FBXL15: variants seen among roughly 807,000 people sequenced by gnomAD.
FBXL15 encodes F-box and leucine rich repeat protein 15.
FBXL15 carries 19 observed loss-of-function variants against 23.6 expected under a neutral mutation model. The observed-to-expected ratio is 0.81, with a 90% confidence interval of 0.56 to 1.18. The LOEUF (loss-of-function observed/expected upper bound fraction) is 1.18. Among genes scored for constraint, FBXL15 ranks in the 50% most tolerant of loss-of-function variants. The probability of loss-of-function intolerance (pLI) is 0.00; values close to 1 mark genes in which losing one functional copy is unlikely to be tolerated. For missense variants in FBXL15, 385 were observed against 425.4 expected (o/e 0.91, Z 0.83); for synonymous variants, 224 against 207.7 (o/e 1.08, Z -0.67).
In FBXL15 at chr10:102,421,046, C is replaced by T; in HGVS notation, c.-84C>T. The T allele has an allele frequency of 6.4e-7, 1 of 1,554,488 alleles. No homozygotes were observed. The highest frequency in any genetic ancestry group is 8.7e-7 in the Non-Finnish European group (1 of 1,148,510). On this transcript the variant is annotated 5_prime_UTR_variant, in exon 1 of 4. Coordinates refer to ENST00000369956, the MANE Select transcript of FBXL15 (RefSeq NM_024326.4). The stretch of plus-strand genomic sequence containing the variant: ...GGCACTCGATTAAATAGGTCTGTCT[C>T]TACAGGCCAAGGAGGCGGGTTTGGT...
rs1589903772 is a variant in FBXL15 at position 102,421,764 on chromosome 10, T to C, written c.208-23T>C. The C allele has an allele frequency of 2.6e-6, 4 of 1,533,090 alleles. No individual in the cohort carries two copies. The East Asian group carries it at 9.7e-5, about 37-fold the overall frequency. 95.0% of individuals were successfully genotyped at this position (1,533,090 alleles called of 1,614,324 possible). A position where few individuals can be genotyped will look rare whatever the true frequency, so the allele number is the denominator to read the frequency against. On this transcript the variant is annotated intron_variant, in intron 2 of 3. Transcript: ENST00000369956. The stretch of plus-strand genomic sequence containing the variant: ...TGAGGAGTGCGGGACGGGCTGAGAG[T>C]TGGGGTGCCTCCCCGCCCGCAGGTG...
chr10:102,422,520 TCGA>T (rs1409074712), intron 3 of FBXL15, among the ~76,000 whole-genome samples: 1 of 152,226 alleles, frequency 6.6e-6, no homozygotes, highest in African/African-American at 2.4e-5. Context: ...ACATAGAAAG[TCGA>T]CTTCTGGCTT....
At chr10:102,421,235 C>A (rs1376918526) in intron 1 of FBXL15, 53 bp downstream of exon 1, 2 of 1,587,428 alleles carry the variant, frequency 1.3e-6, no homozygotes, top group Non-Finnish European at 1.7e-6. Flanking sequence ...GGAGGGGAGC[C>A]GAGCCGGGGC....
chr10:102,421,902 C>T lies in FBXL15; in HGVS notation c.323C>T (p.Pro108Leu), dbSNP rs1200095135. Residue 108 changes from proline to leucine, a missense_variant, in exon 3 of 4, where the codon CCG becomes CTG. Pro to Leu is a moderately conservative substitution (Grantham distance 98). Around this residue, in one of 2 missense-constraint regions of FBXL15, gnomAD observed 255 missense variants for 330.2 expected, o/e 0.77. Coordinates refer to ENST00000369956, the MANE Select transcript of FBXL15 (RefSeq NM_024326.4). ...HEWLSDEDLV[P>L]VLARNPQLRS... ...TGGCTGTCAGACGAGGACCTGGTGCCGGTGCTGGCGCGGAATCCGCAGCTG... is the reference window on the plus strand; with the variant it reads ...TGGCTGTCAGACGAGGACCTGGTGCTGGTGCTGGCGCGGAATCCGCAGCTG... 6.2e-7 allele frequency: 1 copy of T among 1,606,074 alleles called. No homozygotes were observed. Among genetic ancestry groups the T allele is most frequent in the Non-Finnish European group, 8.5e-7 (1 of 1,179,300 alleles).
At position 102,421,034 on chromosome 10, in the gene FBXL15, A is replaced by G. The variant is rs2061551781; in HGVS notation, c.-96A>G. The G allele has an allele frequency of 1.3e-6, 2 of 1,550,820 alleles. No homozygotes were observed. Among genetic ancestry groups the G allele is most frequent in the African/African-American group, 2.7e-5 (2 of 73,016 alleles). Reference sequence around the variant, plus strand: ...CCTCGGTGAGACGGCACTCGATTAAATAGGTCTGTCTCTACAGGCCAAGGA... The same window carrying G: ...CCTCGGTGAGACGGCACTCGATTAAGTAGGTCTGTCTCTACAGGCCAAGGA... On this transcript the variant is annotated 5_prime_UTR_variant, in exon 1 of 4. Coordinates refer to ENST00000369956, the MANE Select transcript of FBXL15 (RefSeq NM_024326.4).
At chr10:102,421,725 G>T in intron 2 of FBXL15, 62 bp from the exon 3 acceptor site, 1 of 1,503,418 alleles carries the variant, frequency 6.7e-7, no homozygotes, top group Non-Finnish European at 8.8e-7. Context: ...TCAGGTCAGG[G>T]GTGCATAGGC....
rs951133889 is a variant in FBXL15, at chr10:102,423,055, G to A, written c.*62G>A. On this transcript the variant is annotated 3_prime_UTR_variant, in exon 4 of 4. Coordinates refer to ENST00000369956, the MANE Select transcript of FBXL15 (RefSeq NM_024326.4). The surrounding 1 kb of genome is among the most constrained non-coding windows in gnomAD (Gnocchi z 5.6). ...CTGGGGCCTGACACTGAGCTGTAGGGAAACTGAACTGTGAGGACCTCTGGT... is the reference window on the plus strand; with the variant it reads ...CTGGGGCCTGACACTGAGCTGTAGGAAAACTGAACTGTGAGGACCTCTGGT... 4 of 1,455,956 alleles carry A rather than the reference G, an allele frequency of 2.7e-6. No individual in the cohort carries two copies. Among genetic ancestry groups the A allele is most frequent in the Middle Eastern group, 2.0e-4 (1 of 4,976 alleles). The allele number at this position is 1,455,956 out of a possible 1,614,324, so 90.2% of individuals were successfully genotyped here.
rs1416464524 is a variant in FBXL15, at chr10:102,421,884, C to T, written c.305C>T (p.Ser102Leu). The change falls in exon 3 of 4, where the codon TCA (serine) becomes TTA (leucine). Residue 102 changes from serine to leucine, a missense_variant. Around this residue, in one of 2 missense-constraint regions of FBXL15, gnomAD observed 255 missense variants for 330.2 expected, o/e 0.77. Coordinates refer to ENST00000369956, the MANE Select transcript of FBXL15 (RefSeq NM_024326.4). Reference protein sequence around the residue: ...LALAPCHEWLSDEDLVPVLAR... With the variant: ...LALAPCHEWLLDEDLVPVLAR... ...CTGGCGCCGTGTCACGAATGGCTGT[C>T]AGACGAGGACCTGGTGCCGGTGCTG... 6.2e-7 allele frequency: 1 copy of T among 1,605,692 alleles called. No homozygotes were observed.
In FBXL15 at chr10:102,421,156, A is replaced by T; in HGVS notation, c.27A>T (p.Gly9=). The change falls in exon 1 of 4, where the codon GGA becomes GGT. Residue 9 remains glycine (G), a synonymous_variant. Coordinates refer to ENST00000369956, the MANE Select transcript of FBXL15 (RefSeq NM_024326.4). ...TGGAGCCACCGATGGAGCCGTCCGG[A>T]GGGGAGCAAGAGCCCGGAGCCGTCA... MEPPMEPS[G]GEQEPGAVRF... is the part of the protein sequence containing the mutation. The T allele has an allele frequency of 3.1e-6, 5 of 1,611,028 alleles. No individual in the cohort carries two copies. Among genetic ancestry groups the T allele is most frequent in the Non-Finnish European group, 4.2e-6 (5 of 1,178,690 alleles).
Position 102,423,099 on chromosome 10 carries a change from C to G in FBXL15, c.*106C>G. Reference sequence around the variant, plus strand: ...CTCTGGTGAGAGGCCAGTGCCCTGCCCCACCCTGGAGCTTCAAATAAAGAG... The same window carrying G: ...CTCTGGTGAGAGGCCAGTGCCCTGCGCCACCCTGGAGCTTCAAATAAAGAG... On this transcript the variant is annotated 3_prime_UTR_variant, in exon 4 of 4. Coordinates refer to ENST00000369956, the MANE Select transcript of FBXL15 (RefSeq NM_024326.4). The surrounding 1 kb of genome is among the most constrained non-coding windows in gnomAD (Gnocchi z 5.6). The G allele has an allele frequency of 8.3e-7, 1 of 1,207,718 alleles. No individual in the cohort carries two copies. Among genetic ancestry groups the G allele is most frequent in the South Asian group, 1.6e-5 (1 of 62,978 alleles). 74.8% of individuals were successfully genotyped at this position (1,207,718 alleles called of 1,614,324 possible). A position where few individuals can be genotyped will look rare whatever the true frequency, so the allele number is the denominator to read the frequency against.
Position 102,420,957 on chromosome 10 carries a change from G to A in FBXL15, c.-173G>A, listed in dbSNP as rs1036994226. On this transcript the variant is annotated 5_prime_UTR_variant, in exon 1 of 4. Coordinates refer to ENST00000369956, the MANE Select transcript of FBXL15 (RefSeq NM_024326.4). Reference sequence around the variant, plus strand: ...AGGCGAGGCCTAATGTTACACCACCGGTCTGTTCCGCCTCCGTTTCGGGGT... The same window carrying A: ...AGGCGAGGCCTAATGTTACACCACCAGTCTGTTCCGCCTCCGTTTCGGGGT... 63 of 1,500,366 alleles carry A rather than the reference G, an allele frequency of 4.2e-5. No individual in the cohort carries two copies. The highest frequency in any genetic ancestry group is 5.5e-5 in the Non-Finnish European group (62 of 1,121,832). The allele number at this position is 1,500,366 out of a possible 1,614,324, so 92.9% of individuals were successfully genotyped here. A position where few individuals can be genotyped will look rare whatever the true frequency, so the allele number is the denominator to read the frequency against.
At chr10:102,422,412 C>A in intron 3 of FBXL15, 120 bp downstream of exon 3, 1 of 1,254,026 alleles carries the variant, frequency 8.0e-7, no homozygotes, top group Non-Finnish European at 1.0e-6. Context: ...ACCACAGCAC[C>A]CCCATTCTGA....
At chr10:102,421,575 C>T (rs969704873) in intron 2 of FBXL15, 68 bp downstream of exon 2, 2 of 1,434,936 alleles carry the variant, frequency 1.4e-6, no homozygotes, top group Non-Finnish European at 1.8e-6. Context: ...CCCCCAGCCC[C>T]GCAGTATGCC....
chr10:102,421,454 C>T lies in FBXL15; in HGVS notation c.154C>T (p.Arg52Trp), dbSNP rs1175749055. The T allele has an allele frequency of 1.4e-5, 21 of 1,533,606 alleles. No homozygotes were observed. In the Admixed American group the frequency reaches 3.6e-4, roughly 26 times the overall value. 95.0% of individuals were successfully genotyped at this position (1,533,606 alleles called of 1,614,324 possible). Reference sequence around the variant, plus strand: ...GCTGCAGCGCGTTAGCCGGGCCTTCCGGTCGCTGGTGCAGCTTCACCTGGC... The same window carrying T: ...GCTGCAGCGCGTTAGCCGGGCCTTCTGGTCGCTGGTGCAGCTTCACCTGGC... ...LRLQRVSRAFRSLVQLHLAGL... is the reference protein window; with the variant it reads ...LRLQRVSRAFWSLVQLHLAGL... The change falls in exon 2 of 4, where the codon CGG becomes TGG. Residue 52 changes from arginine to tryptophan, a missense_variant. By Grantham distance (101) the Arg-to-Trp change is moderately radical (BLOSUM62 -3). Coordinates refer to ENST00000369956, the MANE Select transcript of FBXL15 (RefSeq NM_024326.4).
Position 102,421,962 on chromosome 10 carries a change from G to C in FBXL15, c.383G>C (p.Ser128Thr). ...SVALGGCGQLSRRALGALAEG... is the reference protein window; with the variant it reads ...SVALGGCGQLTRRALGALAEG... ...GCGTTGGGCGGCTGCGGGCAACTGA[G>C]TCGCCGGGCGCTTGGGGCTTTGGCC... The change falls in exon 3 of 4, where the codon AGT becomes ACT. Residue 128 changes from serine to threonine, a missense_variant. By Grantham distance (58) the Ser-to-Thr change is moderately conservative (BLOSUM62 1). Around this residue, in one of 2 missense-constraint regions of FBXL15, gnomAD observed 255 missense variants for 330.2 expected, o/e 0.77. Coordinates refer to ENST00000369956, the MANE Select transcript of FBXL15 (RefSeq NM_024326.4). 6.3e-7 allele frequency: 1 copy of C among 1,599,134 alleles called. No individual in the cohort carries two copies. The highest frequency in any genetic ancestry group is 8.5e-7 in the Non-Finnish European group (1 of 1,178,046).
chr10:102,420,958 G>C lies in FBXL15; in HGVS notation c.-172G>C. 6.7e-7 allele frequency: 1 copy of C among 1,502,232 alleles called. No homozygotes were observed. The highest frequency in any genetic ancestry group is 1.8e-4 in the Middle Eastern group (1 of 5,484). 93.1% of individuals were successfully genotyped at this position (1,502,232 alleles called of 1,614,324 possible). On this transcript the variant is annotated 5_prime_UTR_variant, in exon 1 of 4. Transcript: ENST00000369956. ...GGCGAGGCCTAATGTTACACCACCG[G>C]TCTGTTCCGCCTCCGTTTCGGGGTC...
At position 102,422,431 on chromosome 10, in the gene FBXL15, G is replaced by T. The variant is rs532196205; in HGVS notation, c.713+139G>T. On this transcript the variant is annotated intron_variant, in intron 3 of 3. Transcript: ENST00000369956. Reference sequence around the variant, plus strand: ...CAGCACCCCCATTCTGAACAGAAAGGGCCTCTAGGATTGCCTAGGCCAGAG... The same window carrying T: ...CAGCACCCCCATTCTGAACAGAAAGTGCCTCTAGGATTGCCTAGGCCAGAG... 4.4e-6 allele frequency: 5 copies of T among 1,144,024 alleles called. No homozygotes were observed. In the South Asian group the frequency reaches 1.0e-4, roughly 23 times the overall value. The allele number at this position is 1,144,024 out of a possible 1,614,324, so 70.9% of individuals were successfully genotyped here. A position where few individuals can be genotyped will look rare whatever the true frequency, so the allele number is the denominator to read the frequency against.
Position 102,423,060 on chromosome 10 carries a change from T to G in FBXL15, c.*67T>G. The G allele has an allele frequency of 6.9e-7, 1 of 1,448,134 alleles. No individual in the cohort carries two copies. The highest frequency in any genetic ancestry group is 9.2e-7 in the Non-Finnish European group (1 of 1,084,754). The allele number at this position is 1,448,134 out of a possible 1,614,324, so 89.7% of individuals were successfully genotyped here. A position where few individuals can be genotyped will look rare whatever the true frequency, so the allele number is the denominator to read the frequency against. ...GCCTGACACTGAGCTGTAGGGAAAC[T>G]GAACTGTGAGGACCTCTGGTGAGAG... On this transcript the variant is annotated 3_prime_UTR_variant, in exon 4 of 4. Coordinates refer to ENST00000369956, the MANE Select transcript of FBXL15 (RefSeq NM_024326.4). The surrounding 1 kb of genome is among the most constrained non-coding windows in gnomAD (Gnocchi z 5.6).
At position 102,421,958 on chromosome 10, in the gene FBXL15, C is replaced by G. The variant is rs1350369170; in HGVS notation, c.379C>G (p.Leu127Val). The change falls in exon 3 of 4, where the codon CTG becomes GTG. Residue 127 changes from leucine to valine, a missense_variant. Physicochemically the swap from Leu to Val is conservative, Grantham distance 32 (BLOSUM62 1). Coordinates refer to ENST00000369956, the MANE Select transcript of FBXL15 (RefSeq NM_024326.4). ...RSVALGGCGQ[L>V]SRRALGALAE... ...TGTGGCGTTGGGCGGCTGCGGGCAA[C>G]TGAGTCGCCGGGCGCTTGGGGCTTT... is the stretch of plus-strand genomic sequence containing the variant. 5.0e-6 allele frequency: 8 copies of G among 1,600,278 alleles called. No homozygotes were observed. The highest frequency in any genetic ancestry group is 6.8e-6 in the Non-Finnish European group (8 of 1,178,304).
Sources: gnomAD v4.1 joint callset for allele counts (sites outside exome capture counted in the v4.1 genomes callset) on GRCh38, gnomAD v4.1.1 for gene constraint, gnomAD v4.1.1 regional missense constraint, Gnocchi (gnomAD v3.1) non-coding constraint, MANE v1.5 for transcripts, NCBI Gene and HGNC (gene_info 2026-07-23, HGNC 2026-07-21) for gene names.